Variants in CECR2 observed in about 807,000 individuals in gnomAD.
The protein encoded by CECR2 is chromatin remodeling regulator CECR2.
Under a neutral mutation model 154.5 loss-of-function variants are expected in CECR2, and 30 were observed. That is an observed-to-expected ratio of 0.19 (90% CI 0.15 to 0.26). The LOEUF is 0.26. Ranked by LOEUF, CECR2 falls within the 10% of genes least tolerant of loss-of-function variation. CECR2 has a pLI of 1.00. For synonymous variants in CECR2, 725 were observed against 683.7 expected (o/e 1.06, Z -0.94); for missense variants, 1,743 against 1,829.3 (o/e 0.95, Z 0.86).
chr22:17,534,194 T>C (rs1055410512), intron 9 of CECR2, among the ~76,000 whole-genome samples: 1 of 151,912 alleles, frequency 6.6e-6, no homozygotes, highest in African/African-American at 2.4e-5. Context: ...GGCGTGGTGG[T>C]GTGTGCCTGT....
At chr22:17,446,359 C>A (rs567879088) in intron 1 of CECR2, among the ~76,000 whole-genome samples, 1 of 152,232 alleles carries the variant, frequency 6.6e-6, no homozygotes, top group Admixed American at 6.5e-5. Context: ...CCGGTGGGTT[C>A]TTGGTCTCAC....
Position 17,556,085 on chromosome 22 carries a change from GAATA to G in CECR2, c.*3251_*3254del, listed in dbSNP as rs1298398988. ...ATTTGTTACAGTGAATGAATGTGGA[GAATA>G]AATAAGAACAAACCCTGTAGGATTC... On this transcript the variant is annotated 3_prime_UTR_variant, in exon 19 of 19. Coordinates refer to ENST00000262608, the MANE Select transcript of CECR2 (RefSeq NM_001290047.2). 1 of 152,180 alleles carries G rather than the reference GAATA, an allele frequency of 6.6e-6. No homozygotes were observed. Among genetic ancestry groups the G allele is most frequent in the Non-Finnish European group, 1.5e-5 (1 of 68,034 alleles). 9.4% of individuals were successfully genotyped at this position (152,180 alleles called of 1,614,324 possible).
At chr22:17,410,991 G>A (rs2054060638) in intron 1 of CECR2, among the ~76,000 whole-genome samples, 1 of 152,128 alleles carries the variant, frequency 6.6e-6, no homozygotes, top group Non-Finnish European at 1.5e-5. Context: ...GTTGAATTGG[G>A]ATTAGAACCG....
chr22:17,496,487 G>A (rs961327760), intron 2 of CECR2, among the ~76,000 whole-genome samples: 58 of 150,408 alleles, frequency 3.9e-4, no homozygotes, highest in Non-Finnish European at 7.4e-4. Context: ...GTGACAGAGC[G>A]AGACTCTGTC....
chr22:17,457,184 C>T (rs1319838706), intron 1 of CECR2, among the ~76,000 whole-genome samples: 7 of 152,360 alleles, frequency 4.6e-5, no homozygotes, highest in African/African-American at 1.2e-4. Flanking sequence ...TACGCCACCA[C>T]GCCTGGCTAA....
chr22:17,414,749 T>C (rs1435130850), intron 1 of CECR2, among the ~76,000 whole-genome samples: 3 of 151,936 alleles, frequency 2.0e-5, no homozygotes, highest in Non-Finnish European at 2.9e-5. Context: ...CCACCTGTGC[T>C]CACTCACATT....
Position 17,481,049 on chromosome 22 carries a change from T to TAAAAAAAAAAAAAAAAAA in CECR2, c.221+3379_221+3380insAAAAAAAAAAAAAAAAAA, listed in dbSNP as rs572712907. On this transcript the variant is annotated intron_variant, in intron 2 of 18. Coordinates refer to ENST00000262608, the MANE Select transcript of CECR2 (RefSeq NM_001290047.2). ...AGTGAGACTCCATCTCTTTTTTTTTTAAAAAAAAAAAAGGCCGGGCACGGT... is the reference window on the plus strand; with the variant it reads ...AGTGAGACTCCATCTCTTTTTTTTTTAAAAAAAAAAAAAAAAAAAAAAAAAAAAAAGGCCGGGCACGGT... Among the ~76,000 whole-genome samples, 23 of 92,066 alleles carry TAAAAAAAAAAAAAAAAAA rather than the reference T, an allele frequency of 2.5e-4. 3 individuals are homozygous for TAAAAAAAAAAAAAAAAAA. The highest frequency in any genetic ancestry group is 4.3e-4 in the Non-Finnish European group (18 of 41,706). 60.4% of individuals were successfully genotyped at this position (92,066 alleles called of 152,430 possible).
intron 17 of CECR2, among the ~76,000 whole-genome samples, chr22:17,550,076 C>T (rs1207772924): frequency 6.6e-6 from 1 of 151,876 alleles, no homozygotes; most frequent in Non-Finnish European, 1.5e-5. Flanking sequence ...AAATTTTTTC[C>T]ACTCATGAAA....
chr22:17,446,932 T>A (rs1189045507), intron 1 of CECR2, among the ~76,000 whole-genome samples: 2 of 133,776 alleles, frequency 1.5e-5, no homozygotes, highest in Non-Finnish European at 3.0e-5. Context: ...AGAACACTGG[T>A]GCATTTTTAC....
intron 13 of CECR2, 75 bp downstream of exon 13, chr22:17,539,194 C>T (rs1419656248): frequency 1.3e-6 from 2 of 1,502,802 alleles, no homozygotes; most frequent in East Asian, 2.3e-5. Flanking sequence ...TACAAATACA[C>T]ATCCTAGTGC....
intron 7 of CECR2, among the ~76,000 whole-genome samples, chr22:17,510,873 G>A (rs2055935390): frequency 6.6e-6 from 1 of 152,144 alleles, no homozygotes; most frequent in Non-Finnish European, 1.5e-5. Flanking sequence ...CCAAAGTGCT[G>A]GGATTACAGG....
chr22:17,378,436 A>G (rs1355160141), intron 1 of CECR2, among the ~76,000 whole-genome samples: 4 of 150,902 alleles, frequency 2.7e-5, no homozygotes, highest in African/African-American at 4.9e-5. Flanking sequence ...AGCTGGGACT[A>G]CAGGTGCCCA....
chr22:17,535,446 T>G (rs1352127456), intron 9 of CECR2, among the ~76,000 whole-genome samples: 5 of 152,206 alleles, frequency 3.3e-5, no homozygotes, highest in Non-Finnish European at 4.4e-5. Context: ...TCTTAGAGAA[T>G]CCTTACACAC....
In CECR2 at chr22:17,436,371, A is replaced by G. The variant is rs117339835; in HGVS notation, c.127-41217A>G. On this transcript the variant is annotated intron_variant, in intron 1 of 18. Coordinates refer to ENST00000262608, the MANE Select transcript of CECR2 (RefSeq NM_001290047.2). ...CACAATAATACAACACAGCACTTCT[A>G]TTATAGCAACAACATTAGCTGTCTC... is the stretch of plus-strand genomic sequence containing the variant. 4.7e-3 allele frequency among the ~76,000 whole-genome samples: 717 copies of G among 152,376 alleles called. 3 individuals carry two copies. Among genetic ancestry groups the G allele is most frequent in the Middle Eastern group, 0.01 (3 of 294 alleles).
At chr22:17,444,909 T>C (rs1454466847) in intron 1 of CECR2, among the ~76,000 whole-genome samples, 1 of 152,232 alleles carries the variant, frequency 6.6e-6, no homozygotes, top group East Asian at 1.9e-4. Context: ...AATAATCTGA[T>C]CGCTAAACCA....
chr22:17,491,816 A>G (rs1357772884), intron 2 of CECR2, among the ~76,000 whole-genome samples: 1 of 152,228 alleles, frequency 6.6e-6, no homozygotes, highest in Non-Finnish European at 1.5e-5. Context: ...TCATAAACAC[A>G]TGTAAAAATC....
chr22:17,535,741 T>A (rs8139303), intron 9 of CECR2, among the ~76,000 whole-genome samples: 6,919 of 149,634 alleles, frequency 0.046, 538 homozygotes, highest in African/African-American at 0.16. Flanking sequence ...AAAAAAAAAA[T>A]AATTTTTAAA....
At chr22:17,524,039 T>A (rs926759287) in intron 8 of CECR2, 79 bp from the exon 9 acceptor site, 2 of 1,143,240 alleles carry the variant, frequency 1.7e-6, no homozygotes, top group African/African-American at 3.1e-5. Flanking sequence ...TTGAAAATAC[T>A]GAATTCAATG....
At chr22:17,516,826 T>G (rs4452253) in intron 8 of CECR2, among the ~76,000 whole-genome samples, 3,079 of 151,624 alleles carry the variant, frequency 0.02, 102 homozygotes, top group African/African-American at 0.072. Flanking sequence ...ACACCCGACC[T>G]CAGGTGAAAT....
Sources: gnomAD v4.1 joint callset for allele counts (sites outside exome capture counted in the v4.1 genomes callset) on GRCh38, gnomAD v4.1.1 for gene constraint, MANE v1.5 for transcripts, NCBI Gene and HGNC (gene_info 2026-07-23, HGNC 2026-07-21) for gene names.